Variants in DAB1 observed in about 807,000 individuals in gnomAD.
DAB1 encodes disabled homolog 1.
Under a neutral mutation model 64.6 loss-of-function variants are expected in DAB1, and 15 were observed. The observed-to-expected ratio is 0.23, with a 90% CI of 0.16 to 0.36. The LOEUF (loss-of-function observed/expected upper bound fraction) is 0.36, where lower values mean the gene tolerates loss of function less well. DAB1 is among the 10% of genes least tolerant of loss of function. The pLI, the probability that DAB1 is intolerant of heterozygous loss-of-function variation, is 1.00. For synonymous variants in DAB1, 235 were observed against 251.9 expected (o/e 0.93, Z 0.64); for missense variants, 596 against 706.7 (o/e 0.84, Z 1.78).
At chr1:57,669,570 C>T (rs1359855944) in intron 6 of DAB1, among the ~76,000 whole-genome samples, 1 of 152,102 alleles carries the variant, frequency 6.6e-6, no homozygotes, top group East Asian at 1.9e-4. Context: ...TTATGTGAAC[C>T]TCACAGCAGG....
chr1:57,908,095 C>A (rs1644582402), intron 5 of DAB1, among the ~76,000 whole-genome samples: 1 of 151,992 alleles, frequency 6.6e-6, no homozygotes, highest in African/African-American at 2.4e-5. Context: ...TCCATCATTG[C>A]CTGAAACGTC....
intron 5 of DAB1, among the ~76,000 whole-genome samples, chr1:57,890,456 C>CTTTT (rs71246207): frequency 1.7e-4 from 23 of 136,614 alleles, no homozygotes; most frequent in South Asian, 2.3e-4. Flanking sequence ...CTTTTCTTTT[C>CTTTT]TTTTTTTTTT....
chr1:57,706,946 C>T (rs947728675), intron 6 of DAB1, among the ~76,000 whole-genome samples: 2 of 151,904 alleles, frequency 1.3e-5, no homozygotes, highest in Admixed American at 6.6e-5. Context: ...TGGTGGCAGG[C>T]GCCTGTAATT....
At chr1:57,901,624 G>T (rs1644475314) in intron 5 of DAB1, among the ~76,000 whole-genome samples, 1 of 152,038 alleles carries the variant, frequency 6.6e-6, no homozygotes, top group African/African-American at 2.4e-5. Flanking sequence ...GCAGAAAAGG[G>T]GCCTAGATAC....
chr1:58,082,810 G>C (rs78703007), intron 5 of DAB1, among the ~76,000 whole-genome samples: 13 of 152,252 alleles, frequency 8.5e-5, no homozygotes, highest in East Asian at 5.8e-4. Context: ...AGACAGGTGG[G>C]GGGGAGGGGT....
At chr1:57,204,382 G>A (rs919492454) in intron 2 of DAB1, among the ~76,000 whole-genome samples, 10 of 148,366 alleles carry the variant, frequency 6.7e-5, no homozygotes, top group African/African-American at 1.8e-4. Flanking sequence ...TCACACCTAC[G>A]CAGACCCTAA....
chr1:58,348,550 T>A (rs1644022516), intron 3 of DAB1, among the ~76,000 whole-genome samples: 1 of 152,192 alleles, frequency 6.6e-6, no homozygotes, highest in African/African-American at 2.4e-5. Context: ...AATTTAAGAC[T>A]CAGTAGACTC....
At chr1:58,408,454 G>A (rs1448869625) in intron 3 of DAB1, among the ~76,000 whole-genome samples, 1 of 152,110 alleles carries the variant, frequency 6.6e-6, no homozygotes, top group Non-Finnish European at 1.5e-5. Context: ...TCCCCTCTCT[G>A]ATACAACGTA....
chr1:57,190,503 G>A (rs1664029163), intron 2 of DAB1, among the ~76,000 whole-genome samples: 1 of 138,382 alleles, frequency 7.2e-6, no homozygotes, highest in African/African-American at 3.1e-5. Flanking sequence ...AGGTTTTCAA[G>A]ACTTTAAGAC....
At chr1:57,606,572 GA>G (rs1453168151) in intron 7 of DAB1, among the ~76,000 whole-genome samples, 1 of 100,552 alleles carries the variant, frequency 9.9e-6, no homozygotes, top group Non-Finnish European at 1.9e-5. Context: ...TATTATATAT[GA>G]AATATATAAT....
At chr1:57,284,557 G>C (rs1046859564) in intron 2 of DAB1, among the ~76,000 whole-genome samples, 157 of 152,174 alleles carry the variant, frequency 1.0e-3, no homozygotes, top group African/African-American at 3.7e-3. Flanking sequence ...AGAGAGTGGG[G>C]GGCTTAAAGT....
chr1:57,541,202 C>A (rs1259790823), intron 7 of DAB1, among the ~76,000 whole-genome samples: 1 of 151,202 alleles, frequency 6.6e-6, no homozygotes, highest in Non-Finnish European at 1.5e-5. Flanking sequence ...AATCTCGGCT[C>A]ACTGCAAGCT....
chr1:58,040,768 G>T (rs1647123313), intron 5 of DAB1, among the ~76,000 whole-genome samples: 1 of 152,192 alleles, frequency 6.6e-6, no homozygotes, highest in African/African-American at 2.4e-5. Flanking sequence ...AGTTTCTGAT[G>T]TATTCATATT....
intron 5 of DAB1, among the ~76,000 whole-genome samples, chr1:58,116,613 G>T (rs1185860613): frequency 4.6e-5 from 7 of 152,168 alleles, no homozygotes; most frequent in Non-Finnish European, 1.0e-4. Context: ...TCTAGTCCTG[G>T]TTCCACCACT....
chr1:57,761,560 G>A (rs775011824), intron 6 of DAB1, among the ~76,000 whole-genome samples: 2 of 152,204 alleles, frequency 1.3e-5, no homozygotes, highest in Non-Finnish European at 2.9e-5. Flanking sequence ...CTTTCCCAGA[G>A]GAAGATGAGC....
chr1:58,538,540 A>G (rs1429256404), intron 1 of DAB1, among the ~76,000 whole-genome samples: 1 of 152,288 alleles, frequency 6.6e-6, no homozygotes, highest in Non-Finnish European at 1.5e-5. Flanking sequence ...TTTTAAAGAG[A>G]TATTTCTATA....
chr1:57,597,554 G>T (rs1296676645), intron 7 of DAB1, among the ~76,000 whole-genome samples: 3 of 152,232 alleles, frequency 2.0e-5, no homozygotes, highest in Non-Finnish European at 4.4e-5. Flanking sequence ...TACGAAGTTA[G>T]AATCAGAGAT....
chr1:57,511,472 A>G (rs1257089691), intron 7 of DAB1, among the ~76,000 whole-genome samples: 1 of 152,166 alleles, frequency 6.6e-6, no homozygotes, highest in Non-Finnish European at 1.5e-5. Flanking sequence ...GCTCAACTTA[A>G]TCATACCTAA....
chr1:57,908,297 T>C (rs1644587898), intron 5 of DAB1, among the ~76,000 whole-genome samples: 1 of 152,150 alleles, frequency 6.6e-6, no homozygotes, highest in Non-Finnish European at 1.5e-5. Context: ...TGATTGGAGT[T>C]ACTCATCCTT....
Sources: gnomAD v4.1 joint callset for allele counts (sites outside exome capture counted in the v4.1 genomes callset) on GRCh38, gnomAD v4.1.1 for gene constraint, MANE v1.5 for transcripts, NCBI Gene and HGNC (gene_info 2026-07-23, HGNC 2026-07-21) for gene names.